SVIL: variants seen among roughly 807,000 people sequenced by gnomAD.
SVIL encodes supervillin.
A neutral mutation model predicts 240.4 loss-of-function variants in SVIL; 101 were observed. The ratio of observed to expected loss-of-function variants is 0.42; its 90% CI spans 0.36 to 0.50. SVIL has a LOEUF of 0.50. SVIL is among the 20% of genes least tolerant of loss of function. The pLI is 0.01. For synonymous variants in SVIL, 999 were observed against 1,100.0 expected (o/e 0.91, Z 1.82); for missense variants, 2,512 against 2,818.7 (o/e 0.89, Z 2.46).
intron 2 of SVIL, among the ~76,000 whole-genome samples, chr10:29,665,772 C>A (rs1589476826): frequency 6.6e-6 from 1 of 151,864 alleles, no homozygotes; most frequent in African/African-American, 2.4e-5. Flanking sequence ...CCAGCCTGGA[C>A]AACAGAGTGA....
At chr10:29,696,377 G>T (rs1184248040) in intron 1 of SVIL, among the ~76,000 whole-genome samples, 36 of 152,024 alleles carry the variant, frequency 2.4e-4, no homozygotes, top group Admixed American at 2.4e-3. Flanking sequence ...CCGCCACCCC[G>T]TCTGGGAAGT....
At chr10:29,701,407 T>G (rs967358642) in intron 1 of SVIL, among the ~76,000 whole-genome samples, 2 of 152,212 alleles carry the variant, frequency 1.3e-5, no homozygotes, top group Admixed American at 6.5e-5. Flanking sequence ...CTATTATTCA[T>G]GTCAACAAAT....
intron 1 of SVIL, among the ~76,000 whole-genome samples, chr10:29,712,737 A>G (rs1229836868): frequency 6.6e-6 from 1 of 152,248 alleles, no homozygotes; most frequent in Non-Finnish European, 1.5e-5. Context: ...AAATAAAGAC[A>G]TAGCTGAGAA....
intron 35 of SVIL, 82 bp from the exon 36 acceptor site, chr10:29,462,483 T>A: frequency 6.5e-7 from 1 of 1,543,812 alleles, no homozygotes; most frequent in Non-Finnish European, 8.7e-7. Flanking sequence ...CTTTTCTTCT[T>A]TGCCAGAACT....
intron 33 of SVIL, among the ~76,000 whole-genome samples, chr10:29,466,280 TTATACA>T (rs1944914194): frequency 6.6e-6 from 1 of 151,914 alleles, no homozygotes; most frequent in Non-Finnish European, 1.5e-5. Flanking sequence ...TTTATATACA[TTATACA>T]TGTATATAAA....
chr10:29,736,056 G>A (rs1964886453), upstream of SVIL, among the ~76,000 whole-genome samples: 1 of 152,112 alleles, frequency 6.6e-6, no homozygotes, highest in Admixed American at 6.5e-5. Context: ...CCAAGCACAA[G>A]CACCCCTGCC....
At chr10:29,720,268 A>G (rs1963893786) in intron 1 of SVIL, among the ~76,000 whole-genome samples, 1 of 152,238 alleles carries the variant, frequency 6.6e-6, no homozygotes, top group Non-Finnish European at 1.5e-5. Flanking sequence ...AAAAGAAGGT[A>G]AGAATGATAG....
At chr10:29,500,255 G>A (rs1030003607) in intron 17 of SVIL, among the ~76,000 whole-genome samples, 17 of 152,222 alleles carry the variant, frequency 1.1e-4, no homozygotes, top group African/African-American at 4.1e-4. Flanking sequence ...TCAAACGCTG[G>A]CCGGCAGAGT....
chr10:29,657,651 C>A (rs756256215), intron 3 of SVIL, among the ~76,000 whole-genome samples: 1 of 152,158 alleles, frequency 6.6e-6, no homozygotes, highest in Non-Finnish European at 1.5e-5. Flanking sequence ...CTAATAGCCA[C>A]GGCTCAGCTC....
In SVIL at chr10:29,473,998, A is replaced by G; in HGVS notation, c.5378-9T>C. 6.2e-7 allele frequency: 1 copy of G among 1,612,044 alleles called. No homozygotes were observed. Among genetic ancestry groups the G allele is most frequent in the Non-Finnish European group, 8.5e-7 (1 of 1,179,448 alleles). ...CTTCTGGCGACTTCCCACTGCAAACACAGAATGGCAGAGGGACAGGTCAGC... is the reference window on the plus strand; with the variant it reads ...CTTCTGGCGACTTCCCACTGCAAACGCAGAATGGCAGAGGGACAGGTCAGC... On this transcript the variant is annotated splice_polypyrimidine_tract_variant and intron_variant, in intron 29 of 37. Transcript: ENST00000355867.
chr10:29,517,896 T>G (rs1430332637), intron 16 of SVIL, among the ~76,000 whole-genome samples: 2 of 152,226 alleles, frequency 1.3e-5, no homozygotes, highest in East Asian at 1.9e-4. Context: ...AAAGGTTTTA[T>G]CCCTAAATAA....
At chr10:29,487,643 C>T (rs973013534) in intron 23 of SVIL, 4 of 198,130 alleles carry the variant, frequency 2.0e-5, no homozygotes, top group Non-Finnish European at 4.1e-5. Flanking sequence ...TCTCCCCTGG[C>T]CACCTCCTGC....
chr10:29,524,706 G>A lies in SVIL; in HGVS notation c.2352C>T (p.Ala784=), dbSNP rs774009068. 1.2e-6 allele frequency: 2 copies of A among 1,613,576 alleles called. No homozygotes were observed. Among genetic ancestry groups the A allele is most frequent in the Admixed American group, 1.7e-5 (1 of 59,940 alleles). ...TGGCTAAGGCCTTTTGGTGAGCAGA[G>A]GCCTGCAATCTGAAAAAAATAAAAT... ...RSAVQPARLQ[A]SAHQKALAKD... Residue 784 remains alanine (A), a synonymous_variant, in exon 14 of 38, where the codon GCC becomes GCT. Transcript: ENST00000355867.
At chr10:29,461,238 CT>C (rs1944222247) in intron 36 of SVIL, among the ~76,000 whole-genome samples, 1 of 152,222 alleles carries the variant, frequency 6.6e-6, no homozygotes, top group African/African-American at 2.4e-5. Context: ...TGAACTTAGA[CT>C]GCATGCAGCA....
chr10:29,568,879 C>G (rs10763725), intron 2 of SVIL, among the ~76,000 whole-genome samples: 83,136 of 151,450 alleles, frequency 0.55, 23,371 homozygotes, highest in African/African-American at 0.69. Context: ...AGGGAGGGAG[C>G]AGAGGAAGGA....
intron 1 of SVIL, among the ~76,000 whole-genome samples, chr10:29,574,957 G>A (rs1443494585): frequency 1.3e-5 from 2 of 152,230 alleles, no homozygotes; most frequent in Non-Finnish European, 2.9e-5. Context: ...GGCTCAGAGA[G>A]AAGTCAGTGT....
intron 1 of SVIL, among the ~76,000 whole-genome samples, chr10:29,582,761 A>C (rs1356883945): frequency 1.4e-5 from 2 of 141,060 alleles, no homozygotes; most frequent in Admixed American, 1.4e-4. Context: ...AATAATAATA[A>C]TAATAATAGT....
At chr10:29,557,064 C>A (rs1282805922) in intron 3 of SVIL, among the ~76,000 whole-genome samples, 3 of 152,124 alleles carry the variant, frequency 2.0e-5, no homozygotes, top group East Asian at 3.9e-4. Context: ...CTCCCCTCCC[C>A]TGCCTTCCCC....
chr10:29,649,012 T>C (rs1220446929), intron 3 of SVIL, among the ~76,000 whole-genome samples: 3 of 152,024 alleles, frequency 2.0e-5, no homozygotes, highest in African/African-American at 7.2e-5. Flanking sequence ...CATTAAAAAT[T>C]AGCCAGGCAT....
Sources: gnomAD v4.1 joint callset for allele counts (sites outside exome capture counted in the v4.1 genomes callset) on GRCh38, gnomAD v4.1.1 for gene constraint, MANE v1.5 for transcripts, NCBI Gene and HGNC (gene_info 2026-07-23, HGNC 2026-07-21) for gene names.